Variants in PASK observed in about 807,000 individuals in gnomAD.
PASK encodes PAS domain containing serine/threonine kinase.
Under a neutral mutation model 121.0 loss-of-function variants are expected in PASK, and 110 were observed. The observed-to-expected ratio is 0.91, with a 90% CI of 0.78 to 1.06. PASK has a LOEUF of 1.06. PASK is among the 50% of genes least tolerant of loss of function. The probability of loss-of-function intolerance (pLI) is 0.00; values close to 1 mark genes in which losing one functional copy is unlikely to be tolerated. For missense variants in PASK, 1,643 were observed against 1,702.3 expected (o/e 0.97, Z 0.61); for synonymous variants, 686 against 717.8 (o/e 0.96, Z 0.71).
At chr2:241,113,730 C>A in intron 14 of PASK, 1 of 985,478 alleles carries the variant, frequency 1.0e-6, no homozygotes, top group South Asian at 4.7e-5. Flanking sequence ...GCTCTTCCTG[C>A]AGATGCTTCT....
chr2:241,112,364 C>T lies in PASK; in HGVS notation c.3409G>A (p.Ala1137Thr), dbSNP rs914190062. Residue 1137 changes from alanine (A) to threonine (T), a missense_variant, in exon 15 of 18, where the codon GCC becomes ACC. Physicochemically the swap from Ala to Thr is moderately conservative, Grantham distance 58. Transcript: ENST00000234040. This position sits in a 1 kb window ranked among gnomAD's most constrained non-coding sequence, Gnocchi z 5.2. ...ATCAGCTTGATTGTGAAGTCCTCGGCGATCACGATGTTCTCATCCTTGATG... is the reference window on the plus strand; with the variant it reads ...ATCAGCTTGATTGTGAAGTCCTCGGTGATCACGATGTTCTCATCCTTGATG... ...RDIKDENIVI[A>T]EDFTIKLIDF... The T allele has an allele frequency of 3.1e-6, 5 of 1,613,302 alleles. No homozygotes were observed. The highest frequency in any genetic ancestry group is 1.6e-4 in the Middle Eastern group (1 of 6,080).
intron 14 of PASK, chr2:241,113,952 A>G (rs559773632): frequency 1.4e-5 from 14 of 981,436 alleles, no homozygotes; most frequent in Non-Finnish European, 1.7e-5. Context: ...AATAACATTT[A>G]TGTCTATATA....
chr2:241,122,431 AGAAAG>A (rs980793932), intron 12 of PASK, among the ~76,000 whole-genome samples: 1 of 152,262 alleles, frequency 6.6e-6, no homozygotes, highest in Admixed American at 6.5e-5. Flanking sequence ...CCCCAGGCTC[AGAAAG>A]GAGGGAACAC....
Position 241,126,834 on chromosome 2 carries a change from A to T in PASK, c.2081T>A (p.Val694Glu). 1 of 1,613,110 alleles carries T rather than the reference A, an allele frequency of 6.2e-7. No individual in the cohort carries two copies. The highest frequency in any genetic ancestry group is 1.1e-5 in the South Asian group (1 of 91,072). Residue 694 changes from valine (V) to glutamate (E), a missense_variant, in exon 10 of 18, where the codon GTG becomes GAG. Val to Glu is a moderately radical substitution (Grantham distance 121, BLOSUM62 -2). Transcript: ENST00000234040. ...TCTGCCTCCCAGATCGCAGGACGAC[A>T]CAGGAGCGGTGACAGCCTGGCACTC... ...PTECQAVTAP[V>E]SSCDLGGRDL...
At chr2:241,139,786 C>G (rs2066615901) in intron 4 of PASK, 99 bp downstream of exon 4, 1 of 1,175,250 alleles carries the variant, frequency 8.5e-7, no homozygotes, top group African/African-American at 1.5e-5. Context: ...TGGTGCCACC[C>G]AACCCCCAGC....
intron 8 of PASK, among the ~76,000 whole-genome samples, chr2:241,135,317 C>G (rs1207079980): frequency 6.6e-6 from 1 of 152,070 alleles, no homozygotes; most frequent in Non-Finnish European, 1.5e-5. Flanking sequence ...GTTCCAGGAC[C>G]CCCAGAATGC....
At chr2:241,110,757 G>A (rs763326454) in intron 15 of PASK, among the ~76,000 whole-genome samples, 1 of 152,190 alleles carries the variant, frequency 6.6e-6, no homozygotes, top group African/African-American at 2.4e-5. Context: ...CCTCCAGCAC[G>A]GAGGGCACGA....
rs549458884 is a variant in PASK, at chr2:241,118,023, G to T, written c.3073-2610C>A. On this transcript the variant is annotated intron_variant, in intron 12 of 17. Transcript: ENST00000234040. Reference sequence around the variant, plus strand: ...AAGAAATTAAAGATCTAAATGAATAGAAAACTTTCCACGTTCACAGATCAG... The same window carrying T: ...AAGAAATTAAAGATCTAAATGAATATAAAACTTTCCACGTTCACAGATCAG... Among the ~76,000 whole-genome samples, 25 of 152,226 alleles carry T rather than the reference G, an allele frequency of 1.6e-4. 1 individual carries two copies. Among genetic ancestry groups the T allele is most frequent in the Middle Eastern group, 3.4e-3 (1 of 294 alleles).
upstream of PASK, chr2:241,149,668 C>T (rs543571805): frequency 1.3e-6 from 2 of 1,545,846 alleles, no homozygotes; most frequent in Non-Finnish European, 1.7e-6. Context: ...CGCCCCCGGG[C>T]CGGGCAGATG....
At chr2:241,126,147 A>G (rs1291004761) in intron 10 of PASK, 49 bp downstream of exon 10, 11 of 1,550,256 alleles carry the variant, frequency 7.1e-6, no homozygotes, top group Non-Finnish European at 9.8e-6. Flanking sequence ...CCCCCACTGC[A>G]CTGTGCTCTG....
chr2:241,137,815 A>T (rs1471881846), intron 6 of PASK, 138 bp downstream of exon 6: 11 of 901,912 alleles, frequency 1.2e-5, no homozygotes, highest in Non-Finnish European at 1.8e-6. Flanking sequence ...GCCTCAGCGC[A>T]CAGGAAGCTC....
rs2065156009 is a variant in PASK, at chr2:241,112,628, G to T, written c.3334-189C>A. 1.7e-6 allele frequency: 1 copy of T among 572,866 alleles called. No homozygotes were observed. Among genetic ancestry groups the T allele is most frequent in the Admixed American group, 3.1e-5 (1 of 32,260 alleles). The allele number at this position is 572,866 out of a possible 1,614,324, so 35.5% of individuals were successfully genotyped here. A position where few individuals can be genotyped will look rare whatever the true frequency, so the allele number is the denominator to read the frequency against. ...GCAAACAGGAAACAAAGCCCTTCAGGAGGCGTGTTCACTGGGGATGGCCAC... is the reference window on the plus strand; with the variant it reads ...GCAAACAGGAAACAAAGCCCTTCAGTAGGCGTGTTCACTGGGGATGGCCAC... On this transcript the variant is annotated intron_variant, in intron 14 of 17. Transcript: ENST00000234040. The surrounding 1 kb of genome is among the most constrained non-coding windows in gnomAD (Gnocchi z 5.2).
intron 12 of PASK, among the ~76,000 whole-genome samples, chr2:241,122,129 T>C (rs543483388): frequency 9.6e-4 from 146 of 151,774 alleles, no homozygotes; most frequent in African/African-American, 3.4e-3. Flanking sequence ...TGGAGAAAAA[T>C]TAAAACATTA....
upstream of PASK, chr2:241,150,089 G>C: frequency 3.2e-6 from 4 of 1,269,222 alleles, no homozygotes; most frequent in Non-Finnish European, 4.0e-6. Flanking sequence ...TTGCAGCCAC[G>C]GAAAGATCCG....
Position 241,115,025 on chromosome 2 carries a change from G to A in PASK, c.3333+18C>T. The A allele has an allele frequency of 6.2e-7, 1 of 1,614,070 alleles. No homozygotes were observed. Among genetic ancestry groups the A allele is most frequent in the Non-Finnish European group, 8.5e-7 (1 of 1,179,968 alleles). ...CCAGGCCTGCGTTCACACTAACACG[G>A]CTCTGGCCTGCTCTCACTTGTCGGA... On this transcript the variant is annotated intron_variant, in intron 14 of 17. Transcript: ENST00000234040.
chr2:241,107,792 T>A (rs2064949272), intron 16 of PASK, among the ~76,000 whole-genome samples: 1 of 152,234 alleles, frequency 6.6e-6, no homozygotes, highest in South Asian at 2.1e-4. Flanking sequence ...GAGCTGTGAA[T>A]AACGCAGGGT....
At chr2:241,125,688 G>A (rs186620580) in intron 10 of PASK, among the ~76,000 whole-genome samples, 58 of 151,962 alleles carry the variant, frequency 3.8e-4, no homozygotes, top group Admixed American at 6.6e-4. Flanking sequence ...AGAGGGGCCC[G>A]ATCACATGAC....
In PASK at chr2:241,123,958, G is replaced by A; in HGVS notation, c.2895C>T (p.Ser965=). 6.2e-7 allele frequency: 1 copy of A among 1,613,348 alleles called. No homozygotes were observed. Among genetic ancestry groups the A allele is most frequent in the South Asian group, 1.1e-5 (1 of 91,056 alleles). The change falls in exon 11 of 18, where the codon AGC becomes AGT. Residue 965 remains serine, a synonymous_variant. Coordinates refer to ENST00000234040, the MANE Select transcript of PASK (RefSeq NM_015148.4). The part of the protein sequence containing the change: ...HSTAAELTGP[S]LVEVLRARPW... ...GATTGCAAATACCCACTTCCACCAG[G>A]CTGGGTCCGGTGAGCTCAGCAGCGG...
At position 241,115,389 on chromosome 2, in the gene PASK, C is replaced by A; in HGVS notation, c.3097G>T (p.Glu1033Ter). Residue 1033 changes from glutamate to a stop codon, truncating the protein, a stop_gained, in exon 13 of 18, where the codon GAG (glutamate) becomes TAG (stop). Coordinates refer to ENST00000234040, the MANE Select transcript of PASK (RefSeq NM_015148.4). LOFTEE classifies it high-confidence loss of function. ...ATCCAACAATCCTCCAAGACCTTCTCCTTCTTAATAAACTTCACCACCACC... is the reference window on the plus strand; with the variant it reads ...ATCCAACAATCCTCCAAGACCTTCTACTTCTTAATAAACTTCACCACCACC... ...KEVVVKFIKK[E>*]KVLEDCWIED... 6.2e-7 allele frequency: 1 copy of A among 1,613,864 alleles called. No homozygotes were observed. The highest frequency in any genetic ancestry group is 8.5e-7 in the Non-Finnish European group (1 of 1,179,840).
Sources: gnomAD v4.1 joint callset for allele counts (sites outside exome capture counted in the v4.1 genomes callset) on GRCh38, gnomAD v4.1.1 for gene constraint, Gnocchi (gnomAD v3.1) non-coding constraint, MANE v1.5 for transcripts, NCBI Gene and HGNC (gene_info 2026-07-23, HGNC 2026-07-21) for gene names.